Variants in HNRNPM observed in about 807,000 individuals in gnomAD.
The protein encoded by HNRNPM is heterogeneous nuclear ribonucleoprotein M.
In HNRNPM, 11 loss-of-function variants were observed where a neutral mutation model predicts 73.1. The ratio of observed to expected loss-of-function variants is 0.15; its 90% CI spans 0.09 to 0.25. HNRNPM has a LOEUF of 0.25. Among genes scored for constraint, HNRNPM ranks in the 10% least tolerant of loss-of-function variants. HNRNPM has a pLI of 1.00. For synonymous variants in HNRNPM, 407 were observed against 355.2 expected (o/e 1.15, Z -1.64); for missense variants, 789 against 1,067.9 (o/e 0.74, Z 3.64).
chr19:8,452,853 A>G (rs144476027), intron 1 of HNRNPM, among the ~76,000 whole-genome samples: 94 of 152,232 alleles, frequency 6.2e-4, no homozygotes, highest in African/African-American at 2.1e-3. Flanking sequence ...ATACGTTACT[A>G]TTTTTGAGAC....
At chr19:8,460,146 C>T (rs1368002071) in intron 2 of HNRNPM, among the ~76,000 whole-genome samples, 1 of 152,226 alleles carries the variant, frequency 6.6e-6, no homozygotes, top group African/African-American at 2.4e-5. Context: ...TTAAACTTCA[C>T]TTCATGGAAT....
Position 8,462,738 on chromosome 19 carries a change from T to A in HNRNPM, c.336+157T>A. The A allele has an allele frequency of 1.5e-6, 1 of 688,618 alleles. No individual in the cohort carries two copies. 42.7% of individuals were successfully genotyped at this position (688,618 alleles called of 1,614,324 possible). ...ACATTTGAGTGGGGTGGGAGGGGAT[T>A]TGCAAATGGGAGTCCCGCTTTTCCA... On this transcript the variant is annotated intron_variant, in intron 3 of 15. Transcript: ENST00000325495. This position sits in a 1 kb window ranked among gnomAD's most constrained non-coding sequence, Gnocchi z 4.5.
At chr19:8,458,667 C>G (rs1969190371) in intron 2 of HNRNPM, among the ~76,000 whole-genome samples, 1 of 152,244 alleles carries the variant, frequency 6.6e-6, no homozygotes, top group South Asian at 2.1e-4. Flanking sequence ...TAGCAGCAGT[C>G]AGTTCAACTT....
At chr19:8,474,896 G>A (rs892729893) in intron 12 of HNRNPM, among the ~76,000 whole-genome samples, 1 of 152,010 alleles carries the variant, frequency 6.6e-6, no homozygotes, top group Non-Finnish European at 1.5e-5. Context: ...TATATGTTTA[G>A]TAGAGTCGGA....
intron 1 of HNRNPM, among the ~76,000 whole-genome samples, chr19:8,450,946 G>A (rs1463903377): frequency 4.0e-5 from 6 of 151,526 alleles, no homozygotes; most frequent in Admixed American, 6.6e-5. Context: ...CACTCTTGTC[G>A]CCCAGGCTGG....
chr19:8,459,843 G>C (rs1319874304), intron 2 of HNRNPM, among the ~76,000 whole-genome samples: 1 of 152,034 alleles, frequency 6.6e-6, no homozygotes, highest in African/African-American at 2.4e-5. Flanking sequence ...CTTAAATGTT[G>C]GTCAAAAATG....
chr19:8,485,628 G>A lies in HNRNPM; in HGVS notation c.1200G>A (p.Gly400=), dbSNP rs953387855. 5.6e-6 allele frequency: 9 copies of A among 1,602,592 alleles called. No homozygotes were observed. The highest frequency in any genetic ancestry group is 6.8e-6 in the Non-Finnish European group (8 of 1,176,044). ...GTGGAGGTGGAGGAAGCGTCCCTGGGATCGAGAGGATGGGTCCTGGCATTG... is the reference window on the plus strand; with the variant it reads ...GTGGAGGTGGAGGAAGCGTCCCTGGAATCGAGAGGATGGGTCCTGGCATTG... ...GGGGGGGSVP[G]IERMGPGIDR... Residue 400 remains glycine (G), a synonymous_variant, in exon 14 of 16, where the codon GGG becomes GGA. Transcript: ENST00000325495.
At position 8,462,386 on chromosome 19, in the gene HNRNPM, G is replaced by A; in HGVS notation, c.284-143G>A. On this transcript the variant is annotated intron_variant, in intron 2 of 15. Coordinates refer to ENST00000325495, the MANE Select transcript of HNRNPM (RefSeq NM_005968.5). This position sits in a 1 kb window ranked among gnomAD's most constrained non-coding sequence, Gnocchi z 4.5. The stretch of plus-strand genomic sequence containing the variant: ...CTGCACACCTGTAATGCCTAGTTCG[G>A]TGGTTTAGAGAATATGGAGTGTTTC... 1 of 718,800 alleles carries A rather than the reference G, an allele frequency of 1.4e-6. No homozygotes were observed. 44.5% of individuals were successfully genotyped at this position (718,800 alleles called of 1,614,324 possible).
intron 1 of HNRNPM, among the ~76,000 whole-genome samples, chr19:8,450,698 A>G (rs1968543238): frequency 7.0e-6 from 1 of 142,370 alleles, no homozygotes; most frequent in Admixed American, 7.3e-5. Context: ...CGTATTTTTA[A>G]TTTAATTTAA....
In HNRNPM at chr19:8,479,078, CTTTTT is replaced by C. The variant is rs74176651; in HGVS notation, c.1121-4060_1121-4056del. 1.1e-3 allele frequency among the ~76,000 whole-genome samples: 83 copies of C among 73,838 alleles called. 1 individual carries two copies. The South Asian group carries it at 0.014, about 13-fold the overall frequency. The allele number at this position is 73,838 out of a possible 152,430, so 48.4% of individuals were successfully genotyped here. A position where few individuals can be genotyped will look rare whatever the true frequency, so the allele number is the denominator to read the frequency against. On this transcript the variant is annotated intron_variant, in intron 12 of 15. Transcript: ENST00000325495. ...ATTTCCTCCTCTTTTTTCTTTCTTT[CTTTTT>C]TTTTTTTTTTTTTTTTTTTCAAGAC...
intron 2 of HNRNPM, among the ~76,000 whole-genome samples, chr19:8,461,211 C>A (rs1969373142): frequency 6.6e-6 from 1 of 152,196 alleles, no homozygotes; most frequent in Admixed American, 6.5e-5. Context: ...GGCTTTCTTG[C>A]CTTCAACCAA....
At chr19:8,456,352 T>G (rs1349795819) in intron 2 of HNRNPM, among the ~76,000 whole-genome samples, 8 of 152,334 alleles carry the variant, frequency 5.3e-5, no homozygotes, top group Admixed American at 5.2e-4. Flanking sequence ...TGCTATCGTC[T>G]TCCTTTCTTT....
intron 12 of HNRNPM, chr19:8,482,546 C>T (rs1970993348): frequency 6.6e-6 from 1 of 152,264 alleles, no homozygotes; most frequent in South Asian, 2.1e-4. Flanking sequence ...GTTGCCTAGT[C>T]ACAGCACACC....
Position 8,463,714 on chromosome 19 carries a change from CTG to C in HNRNPM, c.438+34_438+35del, listed in dbSNP as rs1347083322. On this transcript the variant is annotated intron_variant, in intron 5 of 15. Coordinates refer to ENST00000325495, the MANE Select transcript of HNRNPM (RefSeq NM_005968.5). ...AAGCTCTTGCTTAACACTGCGGATACTGTGTGTAATTGTTGAGTGATCCTACT... is the reference window on the plus strand; with the variant it reads ...AAGCTCTTGCTTAACACTGCGGATACTGTGTAATTGTTGAGTGATCCTACT... The C allele has an allele frequency of 2.1e-6, 3 of 1,437,014 alleles. No individual in the cohort carries two copies. The African/African-American group carries it at 4.2e-5, about 20-fold the overall frequency. The allele number at this position is 1,437,014 out of a possible 1,614,324, so 89.0% of individuals were successfully genotyped here.
rs1970778515 is a variant in HNRNPM at position 8,479,779 on chromosome 19, T to C, written c.1121-3379T>C. ...TTAAAAAAAAAAAAAAAAATTTTTT[T>C]TTTTTTTTTTTTTGCGACAGAGTCT... On this transcript the variant is annotated intron_variant, in intron 12 of 15. Coordinates refer to ENST00000325495, the MANE Select transcript of HNRNPM (RefSeq NM_005968.5). 2.1e-5 allele frequency among the ~76,000 whole-genome samples: 3 copies of C among 144,806 alleles called. No individual in the cohort carries two copies. The South Asian group carries it at 6.7e-4, about 32-fold the overall frequency. The allele number at this position is 144,806 out of a possible 152,430, so 95.0% of individuals were successfully genotyped here. A position where few individuals can be genotyped will look rare whatever the true frequency, so the allele number is the denominator to read the frequency against.
At chr19:8,471,492 A>C in intron 10 of HNRNPM, 65 bp downstream of exon 10, 3 of 835,628 alleles carry the variant, frequency 3.6e-6, no homozygotes, top group Non-Finnish European at 5.6e-6. Context: ...TATTGGGACA[A>C]CTGGACTTTG....
At chr19:8,473,108 A>G (rs373579118) in intron 10 of HNRNPM, among the ~76,000 whole-genome samples, 2 of 152,040 alleles carry the variant, frequency 1.3e-5, no homozygotes, top group Non-Finnish European at 2.9e-5. Context: ...AAAATCAGCC[A>G]GGTGTGGTGG....
In HNRNPM at chr19:8,445,056, G is replaced by A. The variant is rs767387228; in HGVS notation, c.58G>A (p.Glu20Lys). ...GGCGGCGACGGAGATCAAAATGGAG[G>A]AAGAGAGCGGCGCGCCCGGCGTGCC... The part of the protein sequence containing the change: ...EVAATEIKME[E>K]ESGAPGVPSG... Residue 20 changes from glutamate (E) to lysine (K), a missense_variant, in exon 1 of 16, where the codon GAA (glutamate) becomes AAA (lysine). Coordinates refer to ENST00000325495, the MANE Select transcript of HNRNPM (RefSeq NM_005968.5). The A allele has an allele frequency of 2.8e-6, 4 of 1,429,996 alleles. No homozygotes were observed. The highest frequency in any genetic ancestry group is 3.7e-6 in the Non-Finnish European group (4 of 1,095,138). 88.6% of individuals were successfully genotyped at this position (1,429,996 alleles called of 1,614,324 possible).
In HNRNPM at chr19:8,486,258, C is replaced by A; in HGVS notation, c.1830C>A (p.Ala610=). 1 of 1,602,916 alleles carries A rather than the reference C, an allele frequency of 6.2e-7. No individual in the cohort carries two copies. Among genetic ancestry groups the A allele is most frequent in the South Asian group, 1.1e-5 (1 of 91,064 alleles). Residue 610 remains alanine, a synonymous_variant, in exon 14 of 16, where the codon GCC becomes GCA. Transcript: ENST00000325495. ...CTGGCATTGAGCGCATGGGCCTGGC[C>A]ATGGGTGGCGGTGGCGGTGCCAGCT... is the stretch of plus-strand genomic sequence containing the variant. The part of the protein sequence containing the change: ...LGAGIERMGL[A]MGGGGGASFD...
Sources: gnomAD v4.1 joint callset for allele counts (sites outside exome capture counted in the v4.1 genomes callset) on GRCh38, gnomAD v4.1.1 for gene constraint, Gnocchi (gnomAD v3.1) non-coding constraint, MANE v1.5 for transcripts, NCBI Gene and HGNC (gene_info 2026-07-23, HGNC 2026-07-21) for gene names.